The following MACROD2 variants were observed in gnomAD, a reference collection of about 807,000 sequenced individuals.
MACROD2 encodes the protein ADP-ribose glycohydrolase MACROD2.
MACROD2 carries 36 observed loss-of-function variants against 70.4 expected under a neutral mutation model. The observed-to-expected ratio is 0.51, with a 90% CI of 0.39 to 0.68. MACROD2 has a LOEUF of 0.68. MACROD2 is among the 30% of genes least tolerant of loss of function. The pLI is 0.00. For missense variants in MACROD2, 496 were observed against 538.4 expected, an observed-to-expected ratio of 0.92 and a Z score of 0.78; for synonymous variants, 172 against 178.8, an observed-to-expected ratio of 0.96 and a Z score of 0.30.
chr20:15,829,109 C>CG (rs1555784554), intron 8 of MACROD2, among the ~76,000 whole-genome samples: 1,649 of 147,640 alleles, frequency 0.011, 44 homozygotes, highest in South Asian at 0.088. Flanking sequence ...TGATTATTAT[C>CG]GGAAAAAAAA....
At chr20:15,566,551 A>C (rs1390016092) in intron 8 of MACROD2, among the ~76,000 whole-genome samples, 1 of 151,608 alleles carries the variant, frequency 6.6e-6, no homozygotes, top group African/African-American at 2.4e-5. Flanking sequence ...GATTTTGCTT[A>C]CTGTATGACT....
chr20:15,569,769 G>A (rs73897683), intron 8 of MACROD2, among the ~76,000 whole-genome samples: 13,095 of 152,176 alleles, frequency 0.086, 1,848 homozygotes, highest in African/African-American at 0.3. Flanking sequence ...GTAAGCAACC[G>A]TGCCGACATA....
rs572105718 is a variant in MACROD2 at position 14,471,183 on chromosome 20, C to T, written c.272-22296C>T. Among the ~76,000 whole-genome samples, 3 of 152,228 alleles carry T rather than the reference C, an allele frequency of 2.0e-5. No homozygotes were observed. In the South Asian group the frequency reaches 6.2e-4, roughly 32 times the overall value. ...TTCCCTTGGCTAGGGGAGGGAGTTC[C>T]CCAACCCCTTGGGCTTCCCGGATGA... On this transcript the variant is annotated intron_variant, in intron 3 of 17. Transcript: ENST00000684519.
intron 2 of MACROD2, among the ~76,000 whole-genome samples, chr20:14,006,964 T>C (rs1433904315): frequency 6.6e-6 from 1 of 152,214 alleles, no homozygotes; most frequent in East Asian, 1.9e-4. Flanking sequence ...GGGCACATAA[T>C]GCGTCATTGT....
intron 2 of MACROD2, among the ~76,000 whole-genome samples, chr20:14,006,194 C>A (rs1601102743): frequency 6.6e-6 from 1 of 152,060 alleles, no homozygotes; most frequent in African/African-American, 2.4e-5. Context: ...AGACTGTGTA[C>A]CATCTAGATT....
intron 5 of MACROD2, among the ~76,000 whole-genome samples, chr20:14,755,290 T>C (rs1296348318): frequency 6.6e-6 from 1 of 152,038 alleles, no homozygotes; most frequent in African/African-American, 2.4e-5. Context: ...GGGCCATCTC[T>C]GATGAGTTCA....
chr20:15,373,241 T>G (rs1259410904), intron 6 of MACROD2, among the ~76,000 whole-genome samples: 1 of 152,186 alleles, frequency 6.6e-6, no homozygotes, highest in Non-Finnish European at 1.5e-5. Flanking sequence ...GTTGCATTGA[T>G]TTAACTCTAC....
At chr20:15,079,564 A>AG (rs1462246889) in intron 5 of MACROD2, among the ~76,000 whole-genome samples, 1 of 152,072 alleles carries the variant, frequency 6.6e-6, no homozygotes, top group Non-Finnish European at 1.5e-5. Flanking sequence ...TGAGCCTACT[A>AG]TATTCCACCA....
At position 16,003,398 on chromosome 20, in the gene MACROD2, A is replaced by G. The variant is rs371369619; in HGVS notation, c.1153+16240A>G. On this transcript the variant is annotated intron_variant, in intron 15 of 17. Coordinates refer to ENST00000684519, the MANE Select transcript of MACROD2 (RefSeq NM_001351661.2). ...TCTTGTGTTATATGTAGGAATTCACATTTATATATCCTAGAGACAAGACAG... is the reference window on the plus strand; with the variant it reads ...TCTTGTGTTATATGTAGGAATTCACGTTTATATATCCTAGAGACAAGACAG... Among the ~76,000 whole-genome samples, 181 of 152,162 alleles carry G rather than the reference A, an allele frequency of 1.2e-3. 1 individual carries two copies. Among genetic ancestry groups the G allele is most frequent in the African/African-American group, 4.1e-3 (169 of 41,538 alleles).
chr20:14,751,099 C>T (rs2071863968), intron 5 of MACROD2, among the ~76,000 whole-genome samples: 1 of 152,080 alleles, frequency 6.6e-6, no homozygotes, highest in South Asian at 2.1e-4. Flanking sequence ...TTACTTGTTT[C>T]ATACTGGTGG....
chr20:14,552,325 T>TGGGGGGG (rs1978713702), intron 4 of MACROD2, among the ~76,000 whole-genome samples: 1 of 26,720 alleles, frequency 3.7e-5, no homozygotes, highest in African/African-American at 1.6e-4. Context: ...TATGTGGGGG[T>TGGGGGGG]GGGGGTGGGG....
chr20:15,809,431 A>G (rs1326206232), intron 8 of MACROD2, among the ~76,000 whole-genome samples: 1 of 152,252 alleles, frequency 6.6e-6, no homozygotes, highest in South Asian at 2.1e-4. Flanking sequence ...CTGTACAAGA[A>G]GCACGGCTTC....
intron 5 of MACROD2, among the ~76,000 whole-genome samples, chr20:14,749,416 G>A (rs1259840528): frequency 6.6e-6 from 1 of 151,760 alleles, no homozygotes; most frequent in African/African-American, 2.4e-5. Context: ...GGAAGTAAAG[G>A]AAGGAAAAAA....
At chr20:15,933,477 G>A in intron 11 of MACROD2, 139 bp downstream of exon 11, 1 of 678,732 alleles carries the variant, frequency 1.5e-6, no homozygotes, top group Non-Finnish European at 2.4e-6. Context: ...TCTCCCTCAG[G>A]AAGCCACCAT....
At chr20:15,130,303 T>C (rs553378645) in intron 5 of MACROD2, among the ~76,000 whole-genome samples, 1 of 151,966 alleles carries the variant, frequency 6.6e-6, no homozygotes, top group East Asian at 1.9e-4. Flanking sequence ...AAACTCCCGA[T>C]CGTCAATGAG....
At chr20:15,375,018 G>T (rs986119445) in intron 6 of MACROD2, among the ~76,000 whole-genome samples, 2 of 152,126 alleles carry the variant, frequency 1.3e-5, no homozygotes, top group Admixed American at 1.3e-4. Flanking sequence ...GGCCGGCATT[G>T]GATGAGCTTT....
intron 4 of MACROD2, among the ~76,000 whole-genome samples, chr20:14,614,627 A>G (rs1379640222): frequency 6.6e-6 from 1 of 152,108 alleles, no homozygotes; most frequent in Non-Finnish European, 1.5e-5. Flanking sequence ...ACTTGTAACT[A>G]ATGCTCATTA....
intron 6 of MACROD2, among the ~76,000 whole-genome samples, chr20:15,256,348 G>C (rs984611077): frequency 7.9e-5 from 12 of 151,914 alleles, no homozygotes; most frequent in African/African-American, 2.9e-4. Context: ...AAAAGATATT[G>C]CCTTGTTCTA....
At chr20:14,839,105 G>A (rs1045772004) in intron 5 of MACROD2, among the ~76,000 whole-genome samples, 3 of 151,998 alleles carry the variant, frequency 2.0e-5, no homozygotes, top group Non-Finnish European at 4.4e-5. Flanking sequence ...GGTCGTTTGG[G>A]CTATGTTTTC....
Sources: gnomAD v4.1 joint callset for allele counts (sites outside exome capture counted in the v4.1 genomes callset) on GRCh38, gnomAD v4.1.1 for gene constraint, MANE v1.5 for transcripts, NCBI Gene and HGNC (gene_info 2026-07-23, HGNC 2026-07-21) for gene names.